Variants in CCDC12 observed in about 807,000 individuals in gnomAD.
CCDC12 encodes coiled-coil domain containing 12, also known as coiled-coil domain-containing protein 12.
Under a neutral mutation model 25.7 loss-of-function variants are expected in CCDC12, and 28 were observed. The observed-to-expected ratio is 1.09, with a 90% CI of 0.81 to 1.50. CCDC12 has a LOEUF of 1.50. CCDC12 is among the 40% of genes most tolerant of loss of function. The pLI, the probability that CCDC12 is intolerant of heterozygous loss-of-function variation, is 0.00. For missense variants in CCDC12, 198 were observed against 210.0 expected (o/e 0.94, Z 0.35); for synonymous variants, 75 against 87.7 (o/e 0.86, Z 0.81).
chr3:46,976,222 G>T, intron 1 of CCDC12: 1 of 754,702 alleles, frequency 1.3e-6, no homozygotes, highest in Non-Finnish European at 1.7e-6. Flanking sequence ...AAGGAGTGCT[G>T]CCGGACTGGG....
chr3:46,940,991 G>T lies in CCDC12; in HGVS notation c.164+7C>A. 5 of 1,613,714 alleles carry T rather than the reference G, an allele frequency of 3.1e-6. 1 individual carries two copies. In the South Asian group the frequency reaches 5.5e-5, roughly 18 times the overall value. On this transcript the variant is annotated splice_region_variant and intron_variant, in intron 2 of 6. Coordinates refer to ENST00000683445, the MANE Select transcript of CCDC12 (RefSeq NM_001277074.2). ...GAGCAGACCCTGGAGCTGCACACGG[G>T]CATTACCTGTGCTTCTCGCCTTCTT... is the stretch of plus-strand genomic sequence containing the variant.
chr3:46,944,562 C>A (rs1203006641), intron 1 of CCDC12, among the ~76,000 whole-genome samples: 1 of 151,952 alleles, frequency 6.6e-6, no homozygotes, highest in East Asian at 1.9e-4. Flanking sequence ...CCACTCCCCA[C>A]TCAATACCCT....
chr3:46,930,031 CAAAAAAAAAAAAA>C (rs145507739), intron 2 of CCDC12, among the ~76,000 whole-genome samples: 2 of 39,876 alleles, frequency 5.0e-5, no homozygotes, highest in Admixed American at 6.1e-4. Flanking sequence ...GACCCCATCT[CAAAAAAAAAAAAA>C]AAAAAAAAAA....
At chr3:46,965,205 C>G (rs1294085300) in intron 1 of CCDC12, among the ~76,000 whole-genome samples, 1 of 152,158 alleles carries the variant, frequency 6.6e-6, no homozygotes, top group African/African-American at 2.4e-5. Flanking sequence ...CAAAAGCTAA[C>G]AGAAAGATTA....
intron 2 of CCDC12, among the ~76,000 whole-genome samples, chr3:46,932,806 T>C (rs944977278): frequency 2.3e-4 from 35 of 152,176 alleles, no homozygotes; most frequent in African/African-American, 4.6e-4. Flanking sequence ...CCCTCCCCAG[T>C]AGGGGCAGCC....
chr3:46,968,097 G>C (rs1369058846), intron 1 of CCDC12, among the ~76,000 whole-genome samples: 1 of 152,124 alleles, frequency 6.6e-6, no homozygotes, highest in African/African-American at 2.4e-5. Context: ...CTCACCATAG[G>C]TATGTGTTGG....
chr3:46,951,391 CA>C (rs2034108686), intron 1 of CCDC12, among the ~76,000 whole-genome samples: 1 of 152,018 alleles, frequency 6.6e-6, no homozygotes. Context: ...AATGTTAAAT[CA>C]GCTTGATTTA....
At chr3:46,974,568 G>C (rs1038983447) in intron 1 of CCDC12, among the ~76,000 whole-genome samples, 6 of 13,672 alleles carry the variant, frequency 4.4e-4, no homozygotes, top group Admixed American at 3.8e-3. Context: ...GCAATTTAGG[G>C]GCTGTCTGAT....
intron 3 of CCDC12, chr3:46,923,942 T>A: frequency 2.7e-6 from 1 of 366,796 alleles, no homozygotes. Flanking sequence ...ATGCTGACAA[T>A]AACTACAAGA....
rs530541908 is a variant in CCDC12, at chr3:46,976,740, G to C, written c.-8C>G. 1 of 1,601,480 alleles carries C rather than the reference G, an allele frequency of 6.2e-7. No individual in the cohort carries two copies. The highest frequency in any genetic ancestry group is 8.5e-7 in the Non-Finnish European group (1 of 1,174,262). Reference sequence around the variant, plus strand: ...AGCCGTAGTTGCCTCCATCTTGCCCGCGTACGCCCCTCCTTTTCTCCCGTC... The same window carrying C: ...AGCCGTAGTTGCCTCCATCTTGCCCCCGTACGCCCCTCCTTTTCTCCCGTC... On this transcript the variant is annotated 5_prime_UTR_variant, in exon 1 of 7. Coordinates refer to ENST00000683445, the MANE Select transcript of CCDC12 (RefSeq NM_001277074.2).
At chr3:46,940,732 T>G in intron 2 of CCDC12, 1 of 493,024 alleles carries the variant, frequency 2.0e-6, no homozygotes, top group South Asian at 2.9e-5. Context: ...ATGAGAAGGG[T>G]AAAAAGGCAT....
chr3:46,958,107 A>G (rs941227600), intron 1 of CCDC12, among the ~76,000 whole-genome samples: 2 of 152,096 alleles, frequency 1.3e-5, no homozygotes, highest in South Asian at 2.1e-4. Flanking sequence ...GCACGACAAG[A>G]TAACGAAGAA....
At chr3:46,955,008 C>T (rs2034243570) in intron 1 of CCDC12, among the ~76,000 whole-genome samples, 1 of 152,220 alleles carries the variant, frequency 6.6e-6, no homozygotes, top group Non-Finnish European at 1.5e-5. Context: ...ACACCACTGG[C>T]TTATTCAAAG....
chr3:46,953,427 C>T (rs2034189359), intron 1 of CCDC12, among the ~76,000 whole-genome samples: 1 of 152,110 alleles, frequency 6.6e-6, no homozygotes, highest in Admixed American at 6.5e-5. Context: ...TCGCACTCAA[C>T]CGTGGGTAGT....
upstream of CCDC12, among the ~76,000 whole-genome samples, chr3:46,981,035 G>C (rs976564363): frequency 6.6e-6 from 1 of 152,212 alleles, no homozygotes; most frequent in Non-Finnish European, 1.5e-5. Flanking sequence ...TCTTCAGTCC[G>C]CTCAGGTTGT....
chr3:46,965,686 C>A (rs1388375438), intron 1 of CCDC12, among the ~76,000 whole-genome samples: 1 of 152,200 alleles, frequency 6.6e-6, no homozygotes. Context: ...CCAAACTTGG[C>A]CAGGAGGCGG....
chr3:46,979,884 A>G (rs1457178111), upstream of CCDC12: 2 of 469,666 alleles, frequency 4.3e-6, no homozygotes, highest in Non-Finnish European at 7.7e-6. Context: ...GAGCGGCTGT[A>G]CGAGTTGTGG....
chr3:46,946,342 A>G (rs374577229), intron 1 of CCDC12, among the ~76,000 whole-genome samples: 56 of 152,392 alleles, frequency 3.7e-4, no homozygotes, highest in East Asian at 2.9e-3. Context: ...GCTTTACTAA[A>G]TATCTTGTAC....
intron 1 of CCDC12, among the ~76,000 whole-genome samples, chr3:46,958,304 G>C (rs1355291815): frequency 6.6e-6 from 1 of 152,196 alleles, no homozygotes; most frequent in Non-Finnish European, 1.5e-5. Context: ...AACTTACTGA[G>C]GGTCCAGAGG....
Sources: gnomAD v4.1 joint callset for allele counts (sites outside exome capture counted in the v4.1 genomes callset) on GRCh38, gnomAD v4.1.1 for gene constraint, MANE v1.5 for transcripts, NCBI Gene and HGNC (gene_info 2026-07-23, HGNC 2026-07-21) for gene names.